Variants in ZNF592 observed in about 807,000 individuals in gnomAD.
ZNF592 encodes spinocerebellar ataxia, autosomal recessive 5.
Under a neutral mutation model 80.3 loss-of-function variants are expected in ZNF592, and 11 were observed. The observed-to-expected ratio is 0.14, with a 90% CI of 0.09 to 0.23. The LOEUF (loss-of-function observed/expected upper bound fraction) is 0.23, where lower values mean the gene tolerates loss of function less well. Ranked by LOEUF, ZNF592 falls within the 10% of genes least tolerant of loss-of-function variation. ZNF592 has a pLI of 1.00. For missense variants in ZNF592, 1,420 were observed against 1,633.9 expected (o/e 0.87, Z 2.26); for synonymous variants, 646 against 640.3 (o/e 1.01, Z -0.13).
At chr15:84,780,281 T>G (rs1962383647) in intron 3 of ZNF592, among the ~76,000 whole-genome samples, 1 of 152,158 alleles carries the variant, frequency 6.6e-6, no homozygotes, top group African/African-American at 2.4e-5. Flanking sequence ...GCCACTGCGC[T>G]TGGCCTTTCC....
intron 2 of ZNF592, among the ~76,000 whole-genome samples, chr15:84,776,782 T>C (rs1180855463): frequency 6.6e-6 from 1 of 151,326 alleles, no homozygotes; most frequent in African/African-American, 2.4e-5. Flanking sequence ...AAACACCTGG[T>C]AGCTCACGCC....
Position 84,798,179 on chromosome 15 carries a change from C to T in ZNF592, c.2576+134C>T. The T allele has an allele frequency of 6.4e-7, 1 of 1,562,392 alleles. No homozygotes were observed. Among genetic ancestry groups the T allele is most frequent in the Non-Finnish European group, 8.7e-7 (1 of 1,144,278 alleles). On this transcript the variant is annotated intron_variant, in intron 6 of 10. Coordinates refer to ENST00000560079, the MANE Select transcript of ZNF592 (RefSeq NM_014630.3). This position sits in a 1 kb window ranked among gnomAD's most constrained non-coding sequence, Gnocchi z 4.5. ...GTGCCTGGGGTCGTACTAAGGATGT[C>T]CTGAGGCAGGGGAGCATCCACATTG...
Position 84,799,821 on chromosome 15 carries a change from C to G in ZNF592, c.3138-21C>G. ...CCTGCGGCCCGGGCACTTACCTGAC[C>G]TCTCCGCTGTGCTTCTGCAGGTACT... On this transcript the variant is annotated intron_variant, in intron 9 of 10. Transcript: ENST00000560079. The surrounding 1 kb of genome is among the most constrained non-coding windows in gnomAD (Gnocchi z 4.2). 6.2e-7 allele frequency: 1 copy of G among 1,613,726 alleles called. No individual in the cohort carries two copies. Among genetic ancestry groups the G allele is most frequent in the Non-Finnish European group, 8.5e-7 (1 of 1,180,010 alleles).
chr15:84,748,740 C>T (rs1898921227), intron 1 of ZNF592, 76 bp downstream of exon 1: 1 of 147,642 alleles, frequency 6.8e-6, no homozygotes, highest in Non-Finnish European at 1.5e-5. Context: ...GGGAGGATCG[C>T]AGCCGGGACC....
intron 3 of ZNF592, 51 bp from the exon 4 acceptor site, chr15:84,782,606 G>C: frequency 6.4e-7 from 1 of 1,555,908 alleles, no homozygotes; most frequent in African/African-American, 1.4e-5. Flanking sequence ...AGTGAAGATG[G>C]TCCAGTGGGA....
intron 1 of ZNF592, among the ~76,000 whole-genome samples, chr15:84,762,442 A>G (rs1412060248): frequency 6.6e-6 from 1 of 152,168 alleles, no homozygotes; most frequent in Non-Finnish European, 1.5e-5. Flanking sequence ...GAGCAATCAG[A>G]TTGGAGAAAA....
At chr15:84,795,229 A>G (rs1351830717) in intron 5 of ZNF592, among the ~76,000 whole-genome samples, 1 of 152,066 alleles carries the variant, frequency 6.6e-6, no homozygotes, top group African/African-American at 2.4e-5. Flanking sequence ...TTTTAATGTT[A>G]TTTTCTTATT....
chr15:84,773,032 A>G (rs1160732382), intron 2 of ZNF592, among the ~76,000 whole-genome samples: 1 of 152,190 alleles, frequency 6.6e-6, no homozygotes, highest in Non-Finnish European at 1.5e-5. Context: ...TCATGGGTTC[A>G]GTGTTAAGTC....
intron 1 of ZNF592, among the ~76,000 whole-genome samples, chr15:84,757,339 C>CT (rs34466288): frequency 0.013 from 1,547 of 120,742 alleles, 12 homozygotes; most frequent in Non-Finnish European, 0.018. Context: ...TCTTTCTTTC[C>CT]TTTTTTTTTT....
rs1338534251 is a variant in ZNF592 at position 84,806,329 on chromosome 15, G to T, written c.*3936G>T. The T allele has an allele frequency of 6.6e-6, 1 of 152,344 alleles. No individual in the cohort carries two copies. The highest frequency in any genetic ancestry group is 1.5e-5 in the Non-Finnish European group (1 of 68,030). 9.4% of individuals were successfully genotyped at this position (152,344 alleles called of 1,614,324 possible). A position where few individuals can be genotyped will look rare whatever the true frequency, so the allele number is the denominator to read the frequency against. On this transcript the variant is annotated 3_prime_UTR_variant, in exon 11 of 11. Coordinates refer to ENST00000560079, the MANE Select transcript of ZNF592 (RefSeq NM_014630.3). The stretch of plus-strand genomic sequence containing the variant: ...GGAAAAAGTTGAGACTAGGACGCAG[G>T]TCCCAAGTATGGGATTTTTTTGGGT...
chr15:84,785,425 C>T (rs747508108), intron 4 of ZNF592, among the ~76,000 whole-genome samples: 10 of 152,142 alleles, frequency 6.6e-5, no homozygotes, highest in Non-Finnish European at 1.0e-4. Flanking sequence ...GATTCTTATG[C>T]CTCAGCCTCC....
chr15:84,775,721 C>T (rs949411361), intron 2 of ZNF592, among the ~76,000 whole-genome samples: 15 of 152,234 alleles, frequency 9.9e-5, no homozygotes, highest in East Asian at 7.7e-4. Flanking sequence ...TGAGCCACTG[C>T]GCCCGGCCGA....
Position 84,799,770 on chromosome 15 carries a change from C to T in ZNF592, c.3138-72C>T. On this transcript the variant is annotated intron_variant, in intron 9 of 10. Transcript: ENST00000560079. The surrounding 1 kb of genome is among the most constrained non-coding windows in gnomAD (Gnocchi z 4.2). ...CTGCTCCAGACTCCCTCCTTCCTGG[C>T]CTTGGTGTGAATAGCACTGAGGGAG... The T allele has an allele frequency of 6.2e-7, 1 of 1,605,480 alleles. No homozygotes were observed. The highest frequency in any genetic ancestry group is 1.3e-5 in the African/African-American group (1 of 75,012).
chr15:84,775,788 G>C (rs921844037), intron 2 of ZNF592, among the ~76,000 whole-genome samples: 3 of 152,098 alleles, frequency 2.0e-5, no homozygotes, highest in Non-Finnish European at 4.4e-5. Context: ...GCATGCTGAG[G>C]CCCTTTCAAA....
At chr15:84,779,590 G>T (rs977590962) in intron 3 of ZNF592, among the ~76,000 whole-genome samples, 1 of 152,076 alleles carries the variant, frequency 6.6e-6, no homozygotes, top group African/African-American at 2.4e-5. Context: ...GGGCTCAAGT[G>T]ATCCTCCTCC....
intron 5 of ZNF592, among the ~76,000 whole-genome samples, chr15:84,795,380 A>G (rs1028847343): frequency 6.6e-6 from 1 of 152,240 alleles, no homozygotes; most frequent in Non-Finnish European, 1.5e-5. Flanking sequence ...TCTTTTCTGC[A>G]TACTTTCTCA....
intron 5 of ZNF592, among the ~76,000 whole-genome samples, chr15:84,794,546 G>A (rs1567075352): frequency 6.6e-6 from 1 of 151,862 alleles, no homozygotes; most frequent in Non-Finnish European, 1.5e-5. Context: ...CGCTATCTCA[G>A]CTCACTGCAA....
intron 10 of ZNF592, among the ~76,000 whole-genome samples, chr15:84,800,232 G>A (rs545404163): frequency 8.7e-4 from 132 of 152,314 alleles, no homozygotes; most frequent in African/African-American, 2.9e-3. Flanking sequence ...CTGTAGGGGT[G>A]TGCTGTGCTC....
rs748248202 is a variant in ZNF592, at chr15:84,798,911, G to A, written c.3024+36G>A. 1 of 1,598,618 alleles carries A rather than the reference G, an allele frequency of 6.3e-7. No homozygotes were observed. Among genetic ancestry groups the A allele is most frequent in the Non-Finnish European group, 8.5e-7 (1 of 1,179,132 alleles). Reference sequence around the variant, plus strand: ...CCACACAGTCATAATGCAGAGCCCAGTCCTCTGGACTTCCTTCTGTGAAGC... The same window carrying A: ...CCACACAGTCATAATGCAGAGCCCAATCCTCTGGACTTCCTTCTGTGAAGC... On this transcript the variant is annotated intron_variant, in intron 8 of 10. Coordinates refer to ENST00000560079, the MANE Select transcript of ZNF592 (RefSeq NM_014630.3). The surrounding 1 kb of genome is among the most constrained non-coding windows in gnomAD (Gnocchi z 4.5).
Sources: gnomAD v4.1 joint callset for allele counts (sites outside exome capture counted in the v4.1 genomes callset) on GRCh38, gnomAD v4.1.1 for gene constraint, Gnocchi (gnomAD v3.1) non-coding constraint, MANE v1.5 for transcripts, NCBI Gene and HGNC (gene_info 2026-07-23, HGNC 2026-07-21) for gene names.